Variants in TMEM207 observed in about 807,000 individuals in gnomAD.
The protein encoded by TMEM207 is SRSR846.
A neutral mutation model predicts 17.4 loss-of-function variants in TMEM207; 15 were observed. The observed-to-expected ratio is 0.86, with a 90% CI of 0.58 to 1.33. The LOEUF (loss-of-function observed/expected upper bound fraction) is 1.33. TMEM207 is among the 40% of genes most tolerant of loss of function. TMEM207 has a pLI of 0.00. For missense variants in TMEM207, 205 were observed against 173.8 expected (o/e 1.18, Z -1.01); for synonymous variants, 70 against 65.6 (o/e 1.07, Z -0.33).
At chr3:190,436,238 T>G (rs1333863093) in intron 4 of TMEM207, among the ~76,000 whole-genome samples, 1 of 152,244 alleles carries the variant, frequency 6.6e-6, no homozygotes, top group African/African-American at 2.4e-5. Context: ...GGTTAATATA[T>G]CAAATCTAGT....
chr3:190,434,158 TTCAGTTGTATTA>T (rs1719752493), intron 4 of TMEM207, among the ~76,000 whole-genome samples: 1 of 152,150 alleles, frequency 6.6e-6, no homozygotes, highest in Non-Finnish European at 1.5e-5. Context: ...CTTCTGTGTT[TTCAGTTGTATTA>T]TCACTTAGGA....
In TMEM207 at chr3:190,448,599, G is replaced by T. The variant is rs563775783; in HGVS notation, c.76-772C>A. Among the ~76,000 whole-genome samples the T allele has an allele frequency of 2.6e-5, 4 of 152,280 alleles. No homozygotes were observed. The South Asian group carries it at 8.3e-4, about 32-fold the overall frequency. On this transcript the variant is annotated intron_variant, in intron 1 of 4. Coordinates refer to ENST00000354905, the MANE Select transcript of TMEM207 (RefSeq NM_207316.3). The stretch of plus-strand genomic sequence containing the variant: ...CCAGGACTCCTTCCTTGTACAAGGA[G>T]AAAGTCTTTAAACGGCATTTATGTG...
At chr3:190,435,664 G>C (rs1436619113) in intron 4 of TMEM207, among the ~76,000 whole-genome samples, 1 of 152,152 alleles carries the variant, frequency 6.6e-6, no homozygotes, top group Non-Finnish European at 1.5e-5. Flanking sequence ...CTCAGTTTAG[G>C]ATCCACACTT....
chr3:190,435,786 TGGTGTTTG>T (rs1719792197), intron 4 of TMEM207, among the ~76,000 whole-genome samples: 1 of 152,310 alleles, frequency 6.6e-6, no homozygotes, highest in Admixed American at 6.5e-5. Context: ...CTGTGGTCTG[TGGTGTTTG>T]GGTGAGAACC....
intron 4 of TMEM207, 120 bp from the exon 5 acceptor site, chr3:190,429,851 T>C: frequency 4.0e-6 from 5 of 1,245,282 alleles, no homozygotes; most frequent in Non-Finnish European, 4.3e-6. Flanking sequence ...ATTATTTGTA[T>C]CTATGAGAAA....
chr3:190,432,040 C>T (rs995183987), intron 4 of TMEM207, among the ~76,000 whole-genome samples: 1 of 152,090 alleles, frequency 6.6e-6, no homozygotes, highest in African/African-American at 2.4e-5. Flanking sequence ...GCATTTTTAT[C>T]TTTTGACAAA....
rs534670345 is a variant in TMEM207, at chr3:190,442,639, C to T, written c.114-1157G>A. ...TTTATTTGCTCTTTGTTCTTTTGAG[C>T]GCCCAGAGTGTTTAGCAAAATTCAC... On this transcript the variant is annotated intron_variant, in intron 2 of 4. Transcript: ENST00000354905. 1.3e-3 allele frequency among the ~76,000 whole-genome samples: 203 copies of T among 151,792 alleles called. 1 individual carries two copies. The highest frequency in any genetic ancestry group is 4.6e-3 in the African/African-American group (191 of 41,366).
At chr3:190,445,706 A>G (rs905393773) in intron 2 of TMEM207, among the ~76,000 whole-genome samples, 11 of 152,056 alleles carry the variant, frequency 7.2e-5, no homozygotes, top group Non-Finnish European at 1.5e-4. Flanking sequence ...TTGTATTTTC[A>G]GTAGAGATGG....
chr3:190,438,377 C>A (rs576734168), intron 4 of TMEM207, among the ~76,000 whole-genome samples: 5 of 151,482 alleles, frequency 3.3e-5, no homozygotes, highest in Admixed American at 2.6e-4. Flanking sequence ...TCAGTGCTAG[C>A]ACATGCAGAT....
At chr3:190,439,176 C>CAAAAAAAAA (rs772313119) in intron 4 of TMEM207, among the ~76,000 whole-genome samples, 3 of 58,648 alleles carry the variant, frequency 5.1e-5, no homozygotes, top group African/African-American at 1.4e-4. Context: ...GACTCCGTCT[C>CAAAAAAAAA]AAAAAAAAAA....
intron 1 of TMEM207, among the ~76,000 whole-genome samples, chr3:190,449,292 G>A (rs1720112274): frequency 6.6e-6 from 1 of 152,138 alleles, no homozygotes; most frequent in Non-Finnish European, 1.5e-5. Flanking sequence ...GGGGATGCTG[G>A]AGCAGAGGAA....
intron 2 of TMEM207, among the ~76,000 whole-genome samples, chr3:190,442,781 A>T (rs1213444862): frequency 6.6e-6 from 1 of 152,220 alleles, no homozygotes. Flanking sequence ...CTTACAAGGG[A>T]ATATTATTCA....
chr3:190,446,945 C>T (rs866035777), intron 2 of TMEM207, among the ~76,000 whole-genome samples: 4 of 152,036 alleles, frequency 2.6e-5, no homozygotes, highest in Admixed American at 6.6e-5. Flanking sequence ...CCAAAATTAA[C>T]GTAAAGAAAT....
At chr3:190,436,406 C>A (rs1719803775) in intron 4 of TMEM207, among the ~76,000 whole-genome samples, 1 of 152,174 alleles carries the variant, frequency 6.6e-6, no homozygotes, top group South Asian at 2.1e-4. Flanking sequence ...AGAGATTTCT[C>A]ATTTTTCTCT....
chr3:190,437,228 A>G (rs1719819912), intron 4 of TMEM207, among the ~76,000 whole-genome samples: 1 of 152,168 alleles, frequency 6.6e-6, no homozygotes, highest in African/African-American at 2.4e-5. Flanking sequence ...GCTCTATAGA[A>G]AAGTCTAGGT....
rs1414625440 is a variant in TMEM207, at chr3:190,429,686, G to A, written c.350C>T (p.Thr117Ile). Reference sequence around the variant, plus strand: ...AACAGGATATAGGTCAGGGGTTTGAGTTTGAAGGTGAATTCCAACAGTTGG... The same window carrying A: ...AACAGGATATAGGTCAGGGGTTTGAATTTGAAGGTGAATTCCAACAGTTGG... The part of the protein sequence containing the change: ...VSPTVGIHLQ[T>I]QTPDLYPVPA... The change falls in exon 5 of 5, where the codon ACT becomes ATT. Residue 117 changes from threonine to isoleucine, a missense_variant. Coordinates refer to ENST00000354905, the MANE Select transcript of TMEM207 (RefSeq NM_207316.3). The A allele has an allele frequency of 6.2e-7, 1 of 1,612,542 alleles. No individual in the cohort carries two copies. Among genetic ancestry groups the A allele is most frequent in the East Asian group, 2.2e-5 (1 of 44,822 alleles).
chr3:190,447,841 T>G lies in TMEM207; in HGVS notation c.76-14A>C. 1 of 1,610,438 alleles carries G rather than the reference T, an allele frequency of 6.2e-7. No homozygotes were observed. Among genetic ancestry groups the G allele is most frequent in the Non-Finnish European group, 8.5e-7 (1 of 1,178,468 alleles). On this transcript the variant is annotated splice_polypyrimidine_tract_variant and intron_variant, in intron 1 of 4. Coordinates refer to ENST00000354905, the MANE Select transcript of TMEM207 (RefSeq NM_207316.3). ...CGAGAGCACCAACTGAAACACATGT[T>G]TAGAACAATAAAATCCAAACATCTC...
intron 4 of TMEM207, among the ~76,000 whole-genome samples, chr3:190,438,001 A>T (rs1719840018): frequency 1.3e-5 from 2 of 151,092 alleles, no homozygotes; most frequent in South Asian, 4.2e-4. Flanking sequence ...CGCAAGGACA[A>T]AAAACCAAAC....
At chr3:190,437,302 A>C (rs1719822124) in intron 4 of TMEM207, among the ~76,000 whole-genome samples, 1 of 152,130 alleles carries the variant, frequency 6.6e-6, no homozygotes, top group African/African-American at 2.4e-5. Context: ...ACCAGCCCAT[A>C]TTTTCACTGG....
Sources: gnomAD v4.1 joint callset for allele counts (sites outside exome capture counted in the v4.1 genomes callset) on GRCh38, gnomAD v4.1.1 for gene constraint, MANE v1.5 for transcripts, NCBI Gene and HGNC (gene_info 2026-07-23, HGNC 2026-07-21) for gene names.